NCKAP5: variants seen among roughly 807,000 people sequenced by gnomAD.
NCKAP5 encodes nck-associated protein 5.
Under a neutral mutation model 167.0 loss-of-function variants are expected in NCKAP5, and 92 were observed. The observed-to-expected ratio is 0.55, with a 90% confidence interval of 0.47 to 0.66. The LOEUF (loss-of-function observed/expected upper bound fraction) is 0.66, where lower values mean the gene tolerates loss of function less well. Among genes scored for constraint, NCKAP5 ranks in the 30% least tolerant of loss-of-function variants. The pLI, the probability that NCKAP5 is intolerant of heterozygous loss-of-function variation, is 0.00. For missense variants in NCKAP5, 2,378 were observed against 2,315.0 expected, an observed-to-expected ratio of 1.03 and a Z score of -0.56; for synonymous variants, 891 against 877.4, an observed-to-expected ratio of 1.02 and a Z score of -0.27.
chr2:132,863,808 T>G (rs1170978217), intron 10 of NCKAP5, among the ~76,000 whole-genome samples: 1 of 152,218 alleles, frequency 6.6e-6, no homozygotes, highest in Non-Finnish European at 1.5e-5. Context: ...CAGTAACTGA[T>G]GCCAGAGAGT....
chr2:132,810,119 C>T (rs1016561362), intron 11 of NCKAP5, among the ~76,000 whole-genome samples: 3 of 152,196 alleles, frequency 2.0e-5, no homozygotes, highest in African/African-American at 7.2e-5. Flanking sequence ...GGCCCCAATC[C>T]CTTCTAGCTT....
chr2:132,795,971 A>C (rs1006077666), intron 12 of NCKAP5, among the ~76,000 whole-genome samples: 1 of 151,764 alleles, frequency 6.6e-6, no homozygotes, highest in Non-Finnish European at 1.5e-5. Flanking sequence ...GTCTTTATGA[A>C]TGTTTAAAGT....
Position 132,785,125 on chromosome 2 carries a change from C to T in NCKAP5, c.1686G>A (p.Glu562=), listed in dbSNP as rs541494072. The change falls in exon 14 of 20, where the codon GAG becomes GAA. Residue 562 remains glutamate, a synonymous_variant. Transcript: ENST00000409261. ...PSVQTPQVQR[E]RGPQGQGHGR... ...CATGGCCTTGGCCCTGTGGGCCCCT[C>T]TCCCTCTGTACCTGAGGCGTCTGCA... 4.6e-5 allele frequency: 75 copies of T among 1,613,632 alleles called. No individual in the cohort carries two copies. In the East Asian group the frequency reaches 1.4e-3, roughly 31 times the overall value.
chr2:133,048,254 A>G (rs971569374), intron 6 of NCKAP5, among the ~76,000 whole-genome samples: 2 of 152,182 alleles, frequency 1.3e-5, no homozygotes, highest in African/African-American at 4.8e-5. Context: ...ACTGGGGTAC[A>G]TGTTCTAGCC....
rs1043493923 is a variant in NCKAP5 at position 132,936,039 on chromosome 2, T to C, written c.579+27681A>G. Among the ~76,000 whole-genome samples, 5 of 151,214 alleles carry C rather than the reference T, an allele frequency of 3.3e-5. No individual in the cohort carries two copies. The South Asian group carries it at 6.3e-4, about 19-fold the overall frequency. Reference sequence around the variant, plus strand: ...CTCTGTCGCCCAGGCTGGAGTGCAGTGGTGCGATCTCAGCTCACTGTAACG... The same window carrying C: ...CTCTGTCGCCCAGGCTGGAGTGCAGCGGTGCGATCTCAGCTCACTGTAACG... On this transcript the variant is annotated intron_variant, in intron 8 of 19. Transcript: ENST00000409261.
At chr2:132,916,512 C>T (rs1283020334) in intron 8 of NCKAP5, among the ~76,000 whole-genome samples, 1 of 151,972 alleles carries the variant, frequency 6.6e-6, no homozygotes, top group East Asian at 1.9e-4. Flanking sequence ...TAGGAAGAGG[C>T]ATAGAGAAGA....
the NCKAP5 span, among the ~76,000 whole-genome samples, chr2:133,611,006 G>A: frequency 2.6e-5 from 4 of 152,090 alleles, no homozygotes; most frequent in Non-Finnish European, 4.4e-5. Flanking sequence ...TTGTTTTCAG[G>A]GGTTTTGGGG....
chr2:132,935,835 T>C (rs765282090), intron 8 of NCKAP5, among the ~76,000 whole-genome samples: 4 of 152,052 alleles, frequency 2.6e-5, no homozygotes, highest in African/African-American at 2.4e-5. Context: ...ACACATGATG[T>C]GGTGTCGCAC....
chr2:132,729,928 T>C (rs978979013), intron 17 of NCKAP5, among the ~76,000 whole-genome samples: 4 of 152,126 alleles, frequency 2.6e-5, no homozygotes, highest in Non-Finnish European at 5.9e-5. Flanking sequence ...CCAATTCAAA[T>C]GTACACATTT....
intron 3 of NCKAP5, among the ~76,000 whole-genome samples, chr2:133,407,705 G>A (rs771062476): frequency 7.2e-5 from 11 of 152,170 alleles, no homozygotes; most frequent in Admixed American, 2.6e-4. Flanking sequence ...ATCTCTGACA[G>A]GGCAAAGCTG....
At chr2:133,343,711 G>A (rs756894440) in intron 3 of NCKAP5, among the ~76,000 whole-genome samples, 9 of 152,192 alleles carry the variant, frequency 5.9e-5, no homozygotes, top group African/African-American at 9.6e-5. Flanking sequence ...GACATCCCAA[G>A]TTCCCTGTAC....
At chr2:133,565,236 A>T (rs988399250) in intron 1 of NCKAP5, among the ~76,000 whole-genome samples, 9 of 152,148 alleles carry the variant, frequency 5.9e-5, no homozygotes, top group African/African-American at 2.2e-4. Context: ...CATCTGAGGA[A>T]CTTTTTAACC....
chr2:132,974,807 T>C (rs1394997525), intron 7 of NCKAP5, among the ~76,000 whole-genome samples: 1 of 152,234 alleles, frequency 6.6e-6, no homozygotes. Flanking sequence ...AGGTGACTAC[T>C]AGCAGAATAG....
At chr2:132,811,155 T>C (rs1242982816) in intron 11 of NCKAP5, among the ~76,000 whole-genome samples, 1 of 152,120 alleles carries the variant, frequency 6.6e-6, no homozygotes, top group African/African-American at 2.4e-5. Context: ...TACCAGCAAC[T>C]GTTCTGGTGG....
chr2:133,274,003 C>G (rs1429983262), intron 4 of NCKAP5, among the ~76,000 whole-genome samples: 1 of 150,878 alleles, frequency 6.6e-6, no homozygotes, highest in Non-Finnish European at 1.5e-5. Flanking sequence ...TATAACACGC[C>G]TTATATTAAA....
chr2:133,169,279 G>A (rs192366518), intron 5 of NCKAP5, among the ~76,000 whole-genome samples: 14 of 152,182 alleles, frequency 9.2e-5, no homozygotes, highest in African/African-American at 1.9e-4. Context: ...CCACCACCTC[G>A]ATCTTGAAAC....
intron 3 of NCKAP5, among the ~76,000 whole-genome samples, chr2:133,506,307 G>C (rs548484939): frequency 1.3e-5 from 2 of 152,278 alleles, no homozygotes; most frequent in Admixed American, 1.3e-4. Flanking sequence ...ATTAAAAATG[G>C]GCTAGTGTTT....
At chr2:133,118,459 A>G (rs760763619) in intron 6 of NCKAP5, 1 of 152,222 alleles carries the variant, frequency 6.6e-6, no homozygotes, top group Non-Finnish European at 1.5e-5. Context: ...AGTGAGGGTT[A>G]TTAAACGGTA....
chr2:132,966,974 G>A (rs536215577), intron 7 of NCKAP5, among the ~76,000 whole-genome samples: 1 of 152,266 alleles, frequency 6.6e-6, no homozygotes, highest in African/African-American at 2.4e-5. Flanking sequence ...GGCACAGTCA[G>A]TGCTGCCTTG....
Sources: allele counts gnomAD v4.1 joint callset (sites outside exome capture counted in the v4.1 genomes callset), GRCh38; gene constraint gnomAD v4.1.1; transcripts MANE v1.5; gene names NCBI Gene and HGNC (gene_info 2026-07-23, HGNC 2026-07-21).